Variants in YIPF4 observed in about 807,000 individuals in gnomAD.
The protein encoded by YIPF4 is protein YIPF4.
A neutral mutation model predicts 29.4 loss-of-function variants in YIPF4; 18 were observed. The ratio of observed to expected loss-of-function variants is 0.61; its 90% CI spans 0.42 to 0.91. YIPF4 has a LOEUF of 0.91. Among genes scored for constraint, YIPF4 ranks in the 40% least tolerant of loss-of-function variants. The pLI, the probability that YIPF4 is intolerant of heterozygous loss-of-function variation, is 0.00. For missense variants in YIPF4, 279 were observed against 282.7 expected (o/e 0.99, Z 0.09); for synonymous variants, 115 against 104.7 (o/e 1.10, Z -0.60).
Position 32,306,934 on chromosome 2 carries a change from C to T in YIPF4, c.*1308C>T, listed in dbSNP as rs571319657. On this transcript the variant is annotated 3_prime_UTR_variant, in exon 6 of 6. Coordinates refer to ENST00000238831, the MANE Select transcript of YIPF4 (RefSeq NM_032312.4). The stretch of plus-strand genomic sequence containing the variant: ...CTTACCCATCAGGAAATATCCAGCA[C>T]CTCTGAAGCAAACCTACAAATGAGT... 8 of 357,632 alleles carry T rather than the reference C, an allele frequency of 2.2e-5. No individual in the cohort carries two copies. Among genetic ancestry groups the T allele is most frequent in the Non-Finnish European group, 4.1e-5 (8 of 192,856 alleles). The allele number at this position is 357,632 out of a possible 1,614,324, so 22.2% of individuals were successfully genotyped here. A position where few individuals can be genotyped will look rare whatever the true frequency, so the allele number is the denominator to read the frequency against.
chr2:32,303,904 G>A (rs1315507966), intron 5 of YIPF4, among the ~76,000 whole-genome samples: 1 of 152,100 alleles, frequency 6.6e-6, no homozygotes, highest in Non-Finnish European at 1.5e-5. Flanking sequence ...TTCCTGGTGT[G>A]TGTTTTTTCA....
Position 32,290,790 on chromosome 2 carries a change from ATAATGAGAGAATATTT to A in YIPF4, c.233+156_233+171del, listed in dbSNP as rs768550774. 220 of 402,444 alleles carry A rather than the reference ATAATGAGAGAATATTT, an allele frequency of 5.5e-4. 1 individual carries two copies. The highest frequency in any genetic ancestry group is 4.0e-3 in the South Asian group (40 of 9,962). 24.9% of individuals were successfully genotyped at this position (402,444 alleles called of 1,614,324 possible). A position where few individuals can be genotyped will look rare whatever the true frequency, so the allele number is the denominator to read the frequency against. On this transcript the variant is annotated intron_variant, in intron 2 of 5. Coordinates refer to ENST00000238831, the MANE Select transcript of YIPF4 (RefSeq NM_032312.4). ...ACTAGTAATTTAAAAAACTGAAATA[ATAATGAGAGAATATTT>A]TTTAACCAATTAAAAGACAAAAATT...
rs193099579 is a variant in YIPF4, at chr2:32,301,587, C to T, written c.597+92C>T. On this transcript the variant is annotated intron_variant, in intron 5 of 5. Transcript: ENST00000238831. Reference sequence around the variant, plus strand: ...GCTAGGAATATTGTGATATAAAACTCTTTATCAAACAGTTGGTAGTATTTT... The same window carrying T: ...GCTAGGAATATTGTGATATAAAACTTTTTATCAAACAGTTGGTAGTATTTT... 17 of 778,960 alleles carry T rather than the reference C, an allele frequency of 2.2e-5. No homozygotes were observed. In the Admixed American group the frequency reaches 4.3e-4, roughly 20 times the overall value. The allele number at this position is 778,960 out of a possible 1,614,324, so 48.3% of individuals were successfully genotyped here.
chr2:32,299,925 G>GT (rs1280410904), intron 4 of YIPF4, among the ~76,000 whole-genome samples: 2 of 151,294 alleles, frequency 1.3e-5, no homozygotes, highest in Non-Finnish European at 2.9e-5. Flanking sequence ...TAGTTTTTTT[G>GT]TTTTTTGTTT....
rs560166828 is a variant in YIPF4, at chr2:32,294,472, G to A, written c.405+2124G>A. Among the ~76,000 whole-genome samples the A allele has an allele frequency of 8.1e-4, 123 of 151,864 alleles. 1 individual carries two copies. Among genetic ancestry groups the A allele is most frequent in the Non-Finnish European group, 1.4e-3 (96 of 67,930 alleles). On this transcript the variant is annotated intron_variant, in intron 3 of 5. Transcript: ENST00000238831. ...GCTCCCCACATCTCAGACGATGGGC[G>A]GCCGGGCAGAGACGCTCCTCGCTTC... is the stretch of plus-strand genomic sequence containing the variant.
In YIPF4 at chr2:32,301,432, C is replaced by A; in HGVS notation, c.534C>A (p.Leu178=). ...LGVIGYSLLP[L]IVIAPVLLVV... ...TTATAGGATATTCATTACTTCCTCTCATTGTAATAGCCCCTGTACTTTTGG... is the reference window on the plus strand; with the variant it reads ...TTATAGGATATTCATTACTTCCTCTAATTGTAATAGCCCCTGTACTTTTGG... Residue 178 remains leucine (L), a synonymous_variant, in exon 5 of 6, where the codon CTC becomes CTA. Coordinates refer to ENST00000238831, the MANE Select transcript of YIPF4 (RefSeq NM_032312.4). The A allele has an allele frequency of 6.2e-7, 1 of 1,613,854 alleles. No homozygotes were observed. The highest frequency in any genetic ancestry group is 1.1e-5 in the South Asian group (1 of 91,070).
chr2:32,282,342 T>C (rs1395357059), intron 1 of YIPF4, among the ~76,000 whole-genome samples: 1 of 152,216 alleles, frequency 6.6e-6, no homozygotes, highest in East Asian at 1.9e-4. Context: ...TTTTTCTAAA[T>C]TGTGTATCTG....
At chr2:32,282,525 C>T (rs192521231) in intron 1 of YIPF4, among the ~76,000 whole-genome samples, 246 of 152,184 alleles carry the variant, frequency 1.6e-3, no homozygotes, top group Non-Finnish European at 2.2e-3. Context: ...CTCTGCCTCC[C>T]GGGTTCAAGC....
At chr2:32,284,958 T>G (rs866529753) in intron 1 of YIPF4, among the ~76,000 whole-genome samples, 49 of 151,894 alleles carry the variant, frequency 3.2e-4, no homozygotes, top group African/African-American at 1.2e-3. Flanking sequence ...AGATGAAGGA[T>G]TCTAAACAAA....
chr2:32,278,282 C>T (rs1470029831), intron 1 of YIPF4, 48 bp downstream of exon 1: 10 of 1,512,754 alleles, frequency 6.6e-6, no homozygotes, highest in Non-Finnish European at 8.9e-6. Flanking sequence ...AAGCCAGGGC[C>T]CGACGCCGTA....
At chr2:32,281,914 A>AATT (rs58034160) in intron 1 of YIPF4, among the ~76,000 whole-genome samples, 2,746 of 145,474 alleles carry the variant, frequency 0.019, 113 homozygotes, top group African/African-American at 0.068. Flanking sequence ...AAAAAAAAAA[A>AATT]AGGCAACCAT....
chr2:32,297,786 T>G (rs577063855), intron 3 of YIPF4, among the ~76,000 whole-genome samples: 1 of 152,176 alleles, frequency 6.6e-6, no homozygotes, highest in Non-Finnish European at 1.5e-5. Context: ...AATATATGTA[T>G]GTATTGTTAC....
chr2:32,278,593 A>G (rs1222587083), intron 1 of YIPF4, among the ~76,000 whole-genome samples: 1 of 152,038 alleles, frequency 6.6e-6, no homozygotes, highest in African/African-American at 2.4e-5. Flanking sequence ...GCCAAGGGAG[A>G]TCTCAAAGAA....
At chr2:32,300,149 C>A (rs549043542) in intron 4 of YIPF4, among the ~76,000 whole-genome samples, 1 of 152,230 alleles carries the variant, frequency 6.6e-6, no homozygotes, top group Non-Finnish European at 1.5e-5. Flanking sequence ...GCCTGCAATC[C>A]CAGCTACTCG....
In YIPF4 at chr2:32,305,919, T is replaced by A; in HGVS notation, c.*293T>A. The A allele has an allele frequency of 1.9e-6, 2 of 1,029,042 alleles. No homozygotes were observed. Among genetic ancestry groups the A allele is most frequent in the Non-Finnish European group, 2.3e-6 (2 of 859,260 alleles). 63.7% of individuals were successfully genotyped at this position (1,029,042 alleles called of 1,614,324 possible). ...GTGTCGATATTCACCTAAAAACTTG[T>A]GCCAAAAGCACCTGGATTGGTAATT... On this transcript the variant is annotated 3_prime_UTR_variant, in exon 6 of 6. Transcript: ENST00000238831.
intron 4 of YIPF4, among the ~76,000 whole-genome samples, chr2:32,300,730 G>A (rs1374477689): frequency 6.6e-6 from 1 of 152,094 alleles, no homozygotes; most frequent in African/African-American, 2.4e-5. Context: ...GTTGATGTAG[G>A]AGTTTAGGGG....
rs1263466029 is a variant in YIPF4, at chr2:32,287,109, G to A, written c.80-3374G>A. On this transcript the variant is annotated intron_variant, in intron 1 of 5. Transcript: ENST00000238831. ...AAAATACAAAACTTAGCTGGGCATG[G>A]TGGTGCATGCCTGTAATCCCAGCTA... Among the ~76,000 whole-genome samples the A allele has an allele frequency of 2.0e-5, 3 of 152,088 alleles. No individual in the cohort carries two copies. In the East Asian group the frequency reaches 5.8e-4, roughly 29 times the overall value.
In YIPF4 at chr2:32,311,220, C is replaced by G. The variant is rs913054033; in HGVS notation, c.*5594C>G. ...ACTTATGAATACATTTTATTTATAA[C>G]AAACTGGTGAAAATTTTAGACCAAA... On this transcript the variant is annotated 3_prime_UTR_variant, in exon 6 of 6. Transcript: ENST00000238831. 1 of 152,150 alleles carries G rather than the reference C, an allele frequency of 6.6e-6. No homozygotes were observed. The highest frequency in any genetic ancestry group is 1.5e-5 in the Non-Finnish European group (1 of 68,040). 9.4% of individuals were successfully genotyped at this position (152,150 alleles called of 1,614,324 possible). A position where few individuals can be genotyped will look rare whatever the true frequency, so the allele number is the denominator to read the frequency against.
rs901750812 is a variant in YIPF4 at position 32,292,092 on chromosome 2, T to C, written c.234-85T>C. ...ACCTATGGAGATTATAACTGTCTTA[T>C]TTAAAGTTTTCTTAATTTTTTTTTG... On this transcript the variant is annotated intron_variant, in intron 2 of 5. Transcript: ENST00000238831. 1.4e-5 allele frequency: 13 copies of C among 917,682 alleles called. No homozygotes were observed. The African/African-American group carries it at 2.0e-4, about 14-fold the overall frequency. 56.8% of individuals were successfully genotyped at this position (917,682 alleles called of 1,614,324 possible). A position where few individuals can be genotyped will look rare whatever the true frequency, so the allele number is the denominator to read the frequency against.
Sources: gnomAD v4.1 joint callset for allele counts (sites outside exome capture counted in the v4.1 genomes callset) on GRCh38, gnomAD v4.1.1 for gene constraint, MANE v1.5 for transcripts, NCBI Gene and HGNC (gene_info 2026-07-23, HGNC 2026-07-21) for gene names.